The following COL25A1 variants were observed in gnomAD, a reference collection of about 807,000 sequenced individuals.
COL25A1 encodes collagen alpha-1(XXV) chain.
COL25A1 carries 103 observed loss-of-function variants against 128.4 expected under a neutral mutation model. The observed-to-expected ratio is 0.80, with a 90% CI of 0.68 to 0.94. COL25A1 has a LOEUF of 0.94. COL25A1 is among the 40% of genes least tolerant of loss of function. COL25A1 has a pLI of 0.00. For synonymous variants in COL25A1, 279 were observed against 277.2 expected (o/e 1.01, Z -0.06); for missense variants, 745 against 840.0 (o/e 0.89, Z 1.40).
At chr4:108,989,402 C>T (rs13435613) in intron 6 of COL25A1, among the ~76,000 whole-genome samples, 2 of 151,868 alleles carry the variant, frequency 1.3e-5, no homozygotes, top group African/African-American at 4.8e-5. Flanking sequence ...TAGGTTGCCA[C>T]GTAAGAAGTT....
intron 3 of COL25A1, among the ~76,000 whole-genome samples, chr4:109,097,356 G>T (rs763234648): frequency 2.5e-4 from 38 of 151,298 alleles, no homozygotes; most frequent in Non-Finnish European, 3.5e-4. Context: ...TGTAATCCCA[G>T]CACTTTGGGA....
chr4:109,302,227 C>T lies in COL25A1; in HGVS notation c.-115G>A, dbSNP rs1347911119. On this transcript the variant is annotated 5_prime_UTR_variant, in exon 1 of 38. Transcript: ENST00000399132. ...TGCACCATCCCCGCTTTCTTCTCTC[C>T]TCCCAGCTGGAAGTGAAAAGCACCC... 4 of 609,918 alleles carry T rather than the reference C, an allele frequency of 6.6e-6. No homozygotes were observed. Among genetic ancestry groups the T allele is most frequent in the Admixed American group, 3.5e-5 (1 of 28,248 alleles). 37.8% of individuals were successfully genotyped at this position (609,918 alleles called of 1,614,324 possible).
chr4:108,995,755 CT>C (rs1754708656), intron 6 of COL25A1, among the ~76,000 whole-genome samples: 2 of 152,180 alleles, frequency 1.3e-5, no homozygotes, highest in African/African-American at 4.8e-5. Context: ...GCCCATCAGA[CT>C]AACAGTGGAT....
chr4:109,206,901 A>G (rs1480729281), intron 3 of COL25A1, among the ~76,000 whole-genome samples: 1 of 152,210 alleles, frequency 6.6e-6, no homozygotes, highest in Non-Finnish European at 1.5e-5. Flanking sequence ...CCAGCCAGTC[A>G]GCTGAGCTTG....
chr4:109,039,049 G>A (rs757375667), intron 5 of COL25A1, among the ~76,000 whole-genome samples: 14 of 151,900 alleles, frequency 9.2e-5, no homozygotes, highest in African/African-American at 1.2e-4. Flanking sequence ...ATCATCACGC[G>A]TCTGTCATTC....
rs745834733 is a variant in COL25A1, at chr4:108,813,889, CT to C, written c.*37del. On this transcript the variant is annotated 3_prime_UTR_variant, in exon 38 of 38. Coordinates refer to ENST00000399132, the MANE Select transcript of COL25A1 (RefSeq NM_198721.4). Reference sequence around the variant, plus strand: ...CAACTATAAATATTAAAAATGGACCCTTATATACACAACTTCATGCTTGAAA... The same window carrying C: ...CAACTATAAATATTAAAAATGGACCCTATATACACAACTTCATGCTTGAAA... 7 of 1,538,772 alleles carry C rather than the reference CT, an allele frequency of 4.5e-6. No individual in the cohort carries two copies. Among genetic ancestry groups the C allele is most frequent in the Non-Finnish European group, 6.3e-6 (7 of 1,117,972 alleles).
At chr4:109,078,023 C>T (rs369166574) in intron 3 of COL25A1, among the ~76,000 whole-genome samples, 2 of 152,176 alleles carry the variant, frequency 1.3e-5, no homozygotes, top group Admixed American at 6.5e-5. Flanking sequence ...CTTATCTTTT[C>T]TCGGCTGCTC....
chr4:109,108,433 C>T (rs569808228), intron 3 of COL25A1, among the ~76,000 whole-genome samples: 1 of 152,038 alleles, frequency 6.6e-6, no homozygotes, highest in African/African-American at 2.4e-5. Flanking sequence ...TCTATCATTG[C>T]TGGACATTTG....
intron 26 of COL25A1, among the ~76,000 whole-genome samples, chr4:108,850,544 T>G (rs2125770262): frequency 6.6e-6 from 1 of 152,226 alleles, no homozygotes; most frequent in African/African-American, 2.4e-5. Context: ...TCAACCCTCC[T>G]CCATATTGCT....
intron 20 of COL25A1, among the ~76,000 whole-genome samples, chr4:108,868,597 A>G (rs375581684): frequency 2.8e-4 from 41 of 146,594 alleles, no homozygotes; most frequent in African/African-American, 8.7e-4. Flanking sequence ...AGGAAGGAAG[A>G]AAGAAAGAAA....
At chr4:109,019,775 C>T (rs1757560228) in intron 5 of COL25A1, among the ~76,000 whole-genome samples, 1 of 152,036 alleles carries the variant, frequency 6.6e-6, no homozygotes, top group South Asian at 2.1e-4. Flanking sequence ...ATAATGCACA[C>T]TCAATGGAAT....
intron 3 of COL25A1, among the ~76,000 whole-genome samples, chr4:109,284,961 G>T (rs1270245702): frequency 6.6e-6 from 1 of 151,544 alleles, no homozygotes; most frequent in Admixed American, 6.6e-5. Flanking sequence ...AGAATTACGA[G>T]ACCAGCAAGA....
At chr4:108,822,687 A>G (rs1369759304) in intron 35 of COL25A1, among the ~76,000 whole-genome samples, 2 of 152,156 alleles carry the variant, frequency 1.3e-5, no homozygotes, top group African/African-American at 4.8e-5. Context: ...TGGACTCTCA[A>G]AGCACTGGGA....
At chr4:109,072,136 T>C (rs781418924) in intron 3 of COL25A1, among the ~76,000 whole-genome samples, 45 of 152,332 alleles carry the variant, frequency 3.0e-4, no homozygotes, top group Middle Eastern at 3.4e-3. Context: ...AAAATCCATT[T>C]TGTGGAAATT....
At chr4:109,021,929 C>T (rs911424680) in intron 5 of COL25A1, 2 of 356,152 alleles carry the variant, frequency 5.6e-6, no homozygotes, top group Admixed American at 3.7e-5. Flanking sequence ...GTTCTCTGCT[C>T]TCGAACCCTG....
At chr4:109,213,675 G>GA (rs1777765720) in intron 3 of COL25A1, among the ~76,000 whole-genome samples, 1 of 152,152 alleles carries the variant, frequency 6.6e-6, no homozygotes, top group South Asian at 2.1e-4. Flanking sequence ...CACATGAAAC[G>GA]AAGTCAAATC....
chr4:109,301,808 C>T lies in COL25A1; in HGVS notation c.212G>A (p.Gly71Glu). ...AGGCAGCAGATGAATGGAAGGGGCCCCTTTGGCGGATTCGAGAGCGGCGAT... is the reference window on the plus strand; with the variant it reads ...AGGCAGCAGATGAATGGAAGGGGCCTCTTTGGCGGATTCGAGAGCGGCGAT... ...ARIAALESAK[G>E]APSIHLLPDT... The change falls in exon 2 of 38, where the codon GGG (glycine) becomes GAG (glutamate). Residue 71 changes from glycine to glutamate, a missense_variant. Around this residue, in one of 3 missense-constraint regions of COL25A1, gnomAD observed 319 missense variants for 324.9 expected, o/e 0.98. Transcript: ENST00000399132. The T allele has an allele frequency of 6.2e-7, 1 of 1,614,214 alleles. No homozygotes were observed. The highest frequency in any genetic ancestry group is 8.5e-7 in the Non-Finnish European group (1 of 1,180,036).
At chr4:109,037,553 T>C (rs1759468384) in intron 5 of COL25A1, among the ~76,000 whole-genome samples, 1 of 152,220 alleles carries the variant, frequency 6.6e-6, no homozygotes, top group Admixed American at 6.5e-5. Flanking sequence ...AGGTTCCAAA[T>C]GCCAGTTTAC....
At chr4:109,251,288 T>G (rs2126243183) in intron 3 of COL25A1, among the ~76,000 whole-genome samples, 1 of 152,364 alleles carries the variant, frequency 6.6e-6, no homozygotes, top group East Asian at 1.9e-4. Flanking sequence ...ACTCATTCTG[T>G]ATTCCCTTTG....
Sources: allele counts gnomAD v4.1 joint callset (sites outside exome capture counted in the v4.1 genomes callset), GRCh38; gene constraint gnomAD v4.1.1; regional missense constraint gnomAD v4.1.1; transcripts MANE v1.5; gene names NCBI Gene and HGNC (gene_info 2026-07-23, HGNC 2026-07-21).